DDRGK1: variants seen among roughly 807,000 people sequenced by gnomAD.
The protein encoded by DDRGK1 is DDRGK domain containing 1, also known as DDRGK domain-containing protein 1.
A neutral mutation model predicts 45.8 loss-of-function variants in DDRGK1; 38 were observed. The ratio of observed to expected loss-of-function variants is 0.83; its 90% CI spans 0.64 to 1.09. DDRGK1 has a LOEUF of 1.09. DDRGK1 is among the 50% of genes least tolerant of loss of function. The pLI, the probability that DDRGK1 is intolerant of heterozygous loss-of-function variation, is 0.00. For synonymous variants in DDRGK1, 171 were observed against 168.7 expected, an observed-to-expected ratio of 1.01 and a Z score of -0.11; for missense variants, 403 against 419.9, an observed-to-expected ratio of 0.96 and a Z score of 0.35.
chr20:3,195,504 C>T, intron 4 of DDRGK1, 151 bp from the exon 5 acceptor site: 5 of 1,191,886 alleles, frequency 4.2e-6, no homozygotes, highest in Non-Finnish European at 5.7e-6. Flanking sequence ...TCTCCATTCC[C>T]CCAAGCTGAA....
At chr20:3,196,648 T>A (rs988649248) in intron 4 of DDRGK1, among the ~76,000 whole-genome samples, 1 of 152,096 alleles carries the variant, frequency 6.6e-6, no homozygotes, top group South Asian at 2.1e-4. Context: ...GCCACTGCAC[T>A]CCAGCCTGGG....
At chr20:3,198,911 G>A (rs1369772252) in intron 4 of DDRGK1, among the ~76,000 whole-genome samples, 1 of 148,788 alleles carries the variant, frequency 6.7e-6, no homozygotes, top group African/African-American at 2.5e-5. Flanking sequence ...GGAGGCCAAG[G>A]GAAGAGAATT....
At position 3,200,457 on chromosome 20, in the gene DDRGK1, G is replaced by A; in HGVS notation, c.296-3C>T. 2 of 1,565,360 alleles carry A rather than the reference G, an allele frequency of 1.3e-6. No individual in the cohort carries two copies. The highest frequency in any genetic ancestry group is 1.7e-6 in the Non-Finnish European group (2 of 1,154,176). On this transcript the variant is annotated splice_polypyrimidine_tract_variant and splice_region_variant and intron_variant, in intron 2 of 8. Coordinates refer to ENST00000354488, the MANE Select transcript of DDRGK1 (RefSeq NM_023935.3). Reference sequence around the variant, plus strand: ...CTCGACACCTTCCTCCTCCTGGGCTGGGTATGGTCAAAGAAAGACAGTTCA... The same window carrying A: ...CTCGACACCTTCCTCCTCCTGGGCTAGGTATGGTCAAAGAAAGACAGTTCA...
intron 6 of DDRGK1, among the ~76,000 whole-genome samples, chr20:3,192,943 T>C (rs6051629): frequency 0.67 from 101,199 of 152,022 alleles, 34,090 homozygotes; most frequent in Middle Eastern, 0.75. Context: ...GGTCAGCTGG[T>C]CTCTACCTAC....
intron 8 of DDRGK1, 129 bp downstream of exon 8, chr20:3,191,061 G>C: frequency 1.6e-6 from 2 of 1,286,826 alleles, no homozygotes; most frequent in Non-Finnish European, 2.2e-6. Flanking sequence ...CAGCTACTCA[G>C]TGCCCCTCCT....
At chr20:3,200,271 C>G in intron 3 of DDRGK1, 71 bp downstream of exon 3, 3 of 1,502,064 alleles carry the variant, frequency 2.0e-6, no homozygotes, top group Non-Finnish European at 1.8e-6. Flanking sequence ...AGCCCTCAGT[C>G]TGCCTTAGGG....
intron 7 of DDRGK1, chr20:3,191,562 T>C (rs1468091588): frequency 3.9e-6 from 3 of 772,968 alleles, no homozygotes; most frequent in Non-Finnish European, 6.8e-6. Context: ...GTGATGGGGT[T>C]TGGGTTTTTT....
intron 2 of DDRGK1, 75 bp downstream of exon 2, chr20:3,203,138 C>T (rs1296856007): frequency 1.5e-6 from 2 of 1,361,562 alleles, no homozygotes; most frequent in Admixed American, 2.9e-5. Flanking sequence ...CCCTACTCCC[C>T]CACTTAGCTT....
chr20:3,197,330 C>T (rs2067015593), intron 4 of DDRGK1, among the ~76,000 whole-genome samples: 1 of 151,100 alleles, frequency 6.6e-6, no homozygotes, highest in South Asian at 2.1e-4. Flanking sequence ...AGAACTCTAA[C>T]TCCCCAACCC....
chr20:3,203,405 G>A lies in DDRGK1; in HGVS notation c.103C>T (p.Pro35Ser), dbSNP rs1288034411. 1 of 1,572,790 alleles carries A rather than the reference G, an allele frequency of 6.4e-7. No individual in the cohort carries two copies. The highest frequency in any genetic ancestry group is 8.6e-7 in the Non-Finnish European group (1 of 1,159,892). Residue 35 changes from proline (P) to serine (S), a missense_variant, in exon 2 of 9, where the codon CCA becomes TCA. By Grantham distance (74) the Pro-to-Ser change is moderately conservative. Transcript: ENST00000354488. ...CCTGCCAGCTCCTCATTGTGCAGTG[G>A]CTCTTGGCCGGCTGTAGGGAAGACA... is the stretch of plus-strand genomic sequence containing the variant. Reference protein sequence around the residue: ...RGRAASAGQEPLHNEELAGAG... With the variant: ...RGRAASAGQESLHNEELAGAG...
intron 4 of DDRGK1, among the ~76,000 whole-genome samples, chr20:3,197,096 G>A (rs1432534850): frequency 2.6e-5 from 4 of 151,644 alleles, no homozygotes. Flanking sequence ...GGTGGCGGGT[G>A]CCTGTAATCC....
intron 2 of DDRGK1, among the ~76,000 whole-genome samples, chr20:3,200,906 C>T (rs111769518): frequency 0.016 from 2,459 of 152,074 alleles, 23 homozygotes; most frequent in Middle Eastern, 0.027. Flanking sequence ...GTTAGGAGAT[C>T]GAGATCATCC....
intron 4 of DDRGK1, among the ~76,000 whole-genome samples, chr20:3,198,807 C>T (rs1032034881): frequency 2.2e-5 from 3 of 136,752 alleles, no homozygotes; most frequent in Admixed American, 1.5e-4. Flanking sequence ...CTAGATGGGA[C>T]CCTGGAAAAG....
intron 6 of DDRGK1, among the ~76,000 whole-genome samples, 160 bp from the exon 7 acceptor site, chr20:3,191,981 ACACACACACACACACACACT>A (rs1415321927): frequency 1.3e-5 from 2 of 150,482 alleles, no homozygotes; most frequent in Non-Finnish European, 3.0e-5. Context: ...TGACACACAC[ACACACACACACACACACACT>A]CACTATCACC....
intron 6 of DDRGK1, among the ~76,000 whole-genome samples, chr20:3,192,092 C>T (rs1242193198): frequency 1.4e-5 from 2 of 143,128 alleles, no homozygotes; most frequent in Non-Finnish European, 3.0e-5. Flanking sequence ...CAACCACCTG[C>T]CTCATGGGCC....
intron 6 of DDRGK1, among the ~76,000 whole-genome samples, chr20:3,192,765 G>A (rs1014300607): frequency 6.6e-6 from 1 of 152,194 alleles, no homozygotes; most frequent in African/African-American, 2.4e-5. Context: ...CAGTTCTTTT[G>A]CATTTCTGTG....
chr20:3,191,305 C>T (rs979711113), intron 7 of DDRGK1, 67 bp from the exon 8 acceptor site: 43 of 1,523,602 alleles, frequency 2.8e-5, no homozygotes, highest in Non-Finnish European at 3.5e-5. Context: ...ACTGAAACCT[C>T]CCTCCCACTA....
chr20:3,194,783 T>C, intron 6 of DDRGK1, 47 bp downstream of exon 6: 5 of 1,613,046 alleles, frequency 3.1e-6, no homozygotes, highest in South Asian at 1.1e-5. Flanking sequence ...AACCTGCACA[T>C]GCCAGGCAGG....
chr20:3,194,433 GAC>G (rs553777442), intron 6 of DDRGK1, among the ~76,000 whole-genome samples: 26 of 152,354 alleles, frequency 1.7e-4, no homozygotes, highest in Admixed American at 3.3e-4. Flanking sequence ...CCCCCTGAAA[GAC>G]CCAAGTTCCC....
Sources: gnomAD v4.1 joint callset for allele counts (sites outside exome capture counted in the v4.1 genomes callset) on GRCh38, gnomAD v4.1.1 for gene constraint, MANE v1.5 for transcripts, NCBI Gene and HGNC (gene_info 2026-07-23, HGNC 2026-07-21) for gene names.